The following VDAC1 variants were observed in gnomAD, a reference collection of about 807,000 sequenced individuals.
The protein encoded by VDAC1 is voltage dependent anion channel 1, also known as non-selective voltage-gated ion channel VDAC1.
VDAC1 carries 10 observed loss-of-function variants against 34.7 expected under a neutral mutation model. That is an observed-to-expected ratio of 0.29 (90% CI 0.18 to 0.49). VDAC1 has a LOEUF of 0.49. Ranked by LOEUF, VDAC1 falls within the 20% of genes least tolerant of loss-of-function variation. The pLI is 0.99. For missense variants in VDAC1, 230 were observed against 347.9 expected (o/e 0.66, Z 2.69); for synonymous variants, 130 against 136.0 (o/e 0.96, Z 0.30).
At chr5:134,043,770 C>T in the VDAC1 span, among the ~76,000 whole-genome samples, 13 of 152,078 alleles carry the variant, frequency 8.5e-5, no homozygotes, top group Non-Finnish European at 1.8e-4. Flanking sequence ...TGGGCTCAAG[C>T]GATCCACCCA....
the VDAC1 span, among the ~76,000 whole-genome samples, chr5:134,063,821 A>T: frequency 6.6e-6 from 1 of 152,014 alleles, no homozygotes; most frequent in African/African-American, 2.4e-5. Context: ...TCTAATTTTT[A>T]TTTATTTACT....
At chr5:133,995,830 C>T (rs551751956) in intron 1 of VDAC1, among the ~76,000 whole-genome samples, 19 of 152,256 alleles carry the variant, frequency 1.2e-4, no homozygotes, top group Admixed American at 3.9e-4. Context: ...TTTTCTAAGG[C>T]GAGGACTGGA....
At chr5:134,060,113 G>A in the VDAC1 span, among the ~76,000 whole-genome samples, 2 of 151,896 alleles carry the variant, frequency 1.3e-5, no homozygotes, top group Non-Finnish European at 2.9e-5. Context: ...GCCAGATACA[G>A]ACTCTAATGA....
the VDAC1 span, among the ~76,000 whole-genome samples, chr5:134,095,929 T>C: frequency 6.6e-6 from 1 of 152,186 alleles, no homozygotes. Context: ...GTCTAGCTTC[T>C]AGAGAGGCTG....
the VDAC1 span, among the ~76,000 whole-genome samples, chr5:134,078,006 A>T: frequency 6.6e-6 from 1 of 152,220 alleles, no homozygotes; most frequent in Non-Finnish European, 1.5e-5. Context: ...GGAGCCTGGG[A>T]GGCAGGGGAG....
At chr5:134,015,625 AT>A in the VDAC1 span, among the ~76,000 whole-genome samples, 14 of 149,096 alleles carry the variant, frequency 9.4e-5, no homozygotes, top group East Asian at 8.0e-4. Context: ...TGCTTGAACG[AT>A]TTTTTTTTTC....
upstream of VDAC1, among the ~76,000 whole-genome samples, chr5:134,007,532 A>C (rs1753776583): frequency 6.6e-6 from 1 of 151,164 alleles, no homozygotes; most frequent in African/African-American, 2.4e-5. Context: ...ACCCTGAGGG[A>C]GAGGGGAAAC....
In VDAC1 at chr5:133,972,801, C is replaced by T. The variant is rs1580703869; in HGVS notation, c.822G>A (p.Lys274=). The T allele has an allele frequency of 1.2e-6, 2 of 1,613,458 alleles. No individual in the cohort carries two copies. The highest frequency in any genetic ancestry group is 1.7e-6 in the Non-Finnish European group (2 of 1,179,384). ...CTTGAAATTCCAGTCCTAGACCAAG[C>T]TTGTGGCCACCAGCATTGACGTTCT... The part of the protein sequence containing the change: ...DGKNVNAGGH[K]LGLGLEFQA The change falls in exon 9 of 9, where the codon AAG becomes AAA. Residue 274 remains lysine (K), a synonymous_variant. Transcript: ENST00000265333.
the VDAC1 span, among the ~76,000 whole-genome samples, chr5:134,070,317 AT>A: frequency 6.6e-6 from 1 of 151,742 alleles, no homozygotes; most frequent in Admixed American, 6.6e-5. Flanking sequence ...AATTTTTTTT[AT>A]TTTTGGTAGA....
the VDAC1 span, among the ~76,000 whole-genome samples, chr5:134,030,599 TCTTTC>T: frequency 6.9e-5 from 2 of 29,084 alleles, no homozygotes; most frequent in South Asian, 1.7e-3. Context: ...TTTCTTTCTT[TCTTTC>T]TTTTTTTTTT....
the VDAC1 span, among the ~76,000 whole-genome samples, chr5:134,094,366 A>G: frequency 6.6e-6 from 1 of 152,166 alleles, no homozygotes; most frequent in Non-Finnish European, 1.5e-5. Context: ...AGTTTCTTCC[A>G]TATCAAACTC....
the VDAC1 span, among the ~76,000 whole-genome samples, chr5:134,089,752 G>T: frequency 1.2e-3 from 177 of 152,282 alleles, no homozygotes; most frequent in Non-Finnish European, 2.1e-3. Flanking sequence ...CATTTTGGGA[G>T]GCCAAGGCGG....
chr5:134,067,426 T>G, the VDAC1 span, among the ~76,000 whole-genome samples: 1 of 95,608 alleles, frequency 1.0e-5, no homozygotes, highest in Admixed American at 1.1e-4. Flanking sequence ...AGTTACATAT[T>G]CTAAAAAAAA....
chr5:134,054,252 T>C, the VDAC1 span, among the ~76,000 whole-genome samples: 10 of 152,232 alleles, frequency 6.6e-5, no homozygotes, highest in East Asian at 1.4e-3. Context: ...GCCAGCATGG[T>C]GGCTAGGGCG....
intron 5 of VDAC1, among the ~76,000 whole-genome samples, chr5:133,982,181 C>T (rs1175863089): frequency 6.6e-6 from 1 of 152,180 alleles, no homozygotes; most frequent in Non-Finnish European, 1.5e-5. Flanking sequence ...TAGCAATAGG[C>T]TGAAACATAT....
At chr5:134,073,951 A>T in the VDAC1 span, among the ~76,000 whole-genome samples, 1 of 152,192 alleles carries the variant, frequency 6.6e-6, no homozygotes. Flanking sequence ...GGAGAACTCT[A>T]GCTTTAAAAA....
chr5:134,113,515 C>A, the VDAC1 span, among the ~76,000 whole-genome samples: 1 of 152,240 alleles, frequency 6.6e-6, no homozygotes, highest in Admixed American at 6.5e-5. Flanking sequence ...GGAGAGGCGT[C>A]CAATACCCGG....
the VDAC1 span, among the ~76,000 whole-genome samples, chr5:134,094,836 C>A: frequency 6.6e-6 from 1 of 152,082 alleles, no homozygotes; most frequent in Non-Finnish European, 1.5e-5. Flanking sequence ...ATGTCCAGGG[C>A]AAAGTACACA....
At chr5:133,979,148 C>T (rs956730215) in intron 6 of VDAC1, among the ~76,000 whole-genome samples, 5 of 152,176 alleles carry the variant, frequency 3.3e-5, no homozygotes, top group Admixed American at 3.3e-4. Context: ...GCTGCCTTCA[C>T]GCTGGTTCCA....
Sources: gnomAD v4.1 joint callset for allele counts (sites outside exome capture counted in the v4.1 genomes callset) on GRCh38, gnomAD v4.1.1 for gene constraint, MANE v1.5 for transcripts, NCBI Gene and HGNC (gene_info 2026-07-23, HGNC 2026-07-21) for gene names.